The following GBE1 variants were observed in gnomAD, a reference collection of about 807,000 sequenced individuals.
The protein encoded by GBE1 is 1,4-alpha-glucan branching enzyme 1, also known as 1,4-alpha-glucan-branching enzyme.
In GBE1, 70 loss-of-function variants were observed where a neutral mutation model predicts 88.8. The ratio of observed to expected loss-of-function variants is 0.79; its 90% CI spans 0.65 to 0.96. GBE1 has a LOEUF of 0.96. Among genes scored for constraint, GBE1 ranks in the 40% least tolerant of loss-of-function variants. GBE1 has a pLI of 0.00. For synonymous variants in GBE1, 284 were observed against 300.1 expected, an observed-to-expected ratio of 0.95 and a Z score of 0.56; for missense variants, 872 against 871.0, an observed-to-expected ratio of 1.00 and a Z score of -0.01.
chr3:81,607,858 T>C (rs1349708603), intron 7 of GBE1, among the ~76,000 whole-genome samples: 1 of 152,224 alleles, frequency 6.6e-6, no homozygotes, highest in African/African-American at 2.4e-5. Context: ...TCAACTTTTA[T>C]GTTAGAATTT....
chr3:81,493,529 ATTTT>A (rs200270254), intron 15 of GBE1, among the ~76,000 whole-genome samples: 1 of 144,164 alleles, frequency 6.9e-6, no homozygotes, highest in African/African-American at 2.5e-5. Flanking sequence ...GCTTGTCTAA[ATTTT>A]TTTTTTTTTT....
chr3:81,531,949 C>T (rs776988635), intron 14 of GBE1, among the ~76,000 whole-genome samples: 7 of 151,936 alleles, frequency 4.6e-5, no homozygotes, highest in East Asian at 1.9e-4. Context: ...GCTCTCTTTG[C>T]GGGTGCTGGC....
In GBE1 at chr3:81,520,828, CA is replaced by C. The variant is rs1702862428; in HGVS notation, c.1934+14366del. On this transcript the variant is annotated intron_variant, in intron 14 of 15. Coordinates refer to ENST00000429644, the MANE Select transcript of GBE1 (RefSeq NM_000158.4). ...AAAGACAAATGTGAGAGTATACAGG[CA>C]AAAGGTTTTTGTTGTCGTTTTGTTT... 5.3e-5 allele frequency among the ~76,000 whole-genome samples: 8 copies of C among 151,400 alleles called. No individual in the cohort carries two copies. The Admixed American group carries it at 5.3e-4, about 10-fold the overall frequency.
intron 12 of GBE1, among the ~76,000 whole-genome samples, chr3:81,539,898 A>T (rs1349507585): frequency 2.0e-5 from 3 of 151,982 alleles, no homozygotes; most frequent in African/African-American, 4.8e-5. Flanking sequence ...AGGTACTGAA[A>T]CTCAAGAGAG....
intron 7 of GBE1, among the ~76,000 whole-genome samples, chr3:81,626,962 TC>T (rs2107024924): frequency 1.3e-5 from 2 of 152,266 alleles, no homozygotes; most frequent in East Asian, 1.9e-4. Context: ...GTATCACACT[TC>T]CTAATTTCCT....
chr3:81,609,500 T>C (rs867814209), intron 7 of GBE1, among the ~76,000 whole-genome samples: 18 of 152,286 alleles, frequency 1.2e-4, no homozygotes, highest in Middle Eastern at 6.8e-3. Context: ...TTACAGGTAA[T>C]ATATTTCTGT....
intron 12 of GBE1, among the ~76,000 whole-genome samples, chr3:81,575,369 G>T (rs1237005264): frequency 6.6e-6 from 1 of 151,948 alleles, no homozygotes; most frequent in East Asian, 1.9e-4. Context: ...CAGAGTGAAA[G>T]AATTTTTTTG....
chr3:81,685,100 A>G (rs1705413966), intron 2 of GBE1, among the ~76,000 whole-genome samples: 1 of 152,226 alleles, frequency 6.6e-6, no homozygotes, highest in Admixed American at 6.5e-5. Context: ...TAAGAAAATA[A>G]TAAAAATCAT....
intron 1 of GBE1, among the ~76,000 whole-genome samples, chr3:81,737,370 TATATATTTTTATATATATTTATATAA>T (rs1706277558): frequency 3.1e-5 from 1 of 32,608 alleles, no homozygotes. Flanking sequence ...TATATATTTA[TATATATTTTTATATATATTTATATAA>T]ATATATTTTT....
chr3:81,684,789 G>A (rs1705408583), intron 2 of GBE1, among the ~76,000 whole-genome samples: 1 of 151,844 alleles, frequency 6.6e-6, no homozygotes, highest in Non-Finnish European at 1.5e-5. Flanking sequence ...GTACATTTTT[G>A]CAAGCCCTGA....
chr3:81,711,938 A>C (rs1474721190), intron 1 of GBE1, among the ~76,000 whole-genome samples: 1 of 152,128 alleles, frequency 6.6e-6, no homozygotes, highest in Non-Finnish European at 1.5e-5. Context: ...GAATCTACAA[A>C]GAACTCAAAC....
At chr3:81,619,537 A>C (rs1182560262) in intron 7 of GBE1, among the ~76,000 whole-genome samples, 3 of 152,140 alleles carry the variant, frequency 2.0e-5, no homozygotes. Flanking sequence ...TTGTTTATTG[A>C]TTCCATTAAT....
intron 3 of GBE1, among the ~76,000 whole-genome samples, chr3:81,662,652 AAC>A (rs1705047124): frequency 6.6e-6 from 1 of 151,602 alleles, no homozygotes; most frequent in African/African-American, 2.4e-5. Context: ...GCCAAACATT[AAC>A]AGTTTTGTAA....
intron 14 of GBE1, among the ~76,000 whole-genome samples, chr3:81,512,481 A>G (rs1702738926): frequency 6.6e-6 from 1 of 151,922 alleles, no homozygotes; most frequent in South Asian, 2.1e-4. Flanking sequence ...TACCCTGCAG[A>G]AAAACATTTA....
At chr3:81,626,369 A>G (rs1704416774) in intron 7 of GBE1, among the ~76,000 whole-genome samples, 1 of 152,256 alleles carries the variant, frequency 6.6e-6, no homozygotes, top group Non-Finnish European at 1.5e-5. Context: ...AATAGCTCCT[A>G]AAGGTAAAAT....
In GBE1 at chr3:81,750,525, ATATATATATATACG is replaced by A. The variant is rs1294060859; in HGVS notation, c.143+10836_143+10849del. Among the ~76,000 whole-genome samples the A allele has an allele frequency of 9.4e-3, 759 of 80,678 alleles. 95 individuals carry two copies. Among genetic ancestry groups the A allele is most frequent in the African/African-American group, 0.052 (713 of 13,614 alleles). The allele number at this position is 80,678 out of a possible 152,430, so 52.9% of individuals were successfully genotyped here. A position where few individuals can be genotyped will look rare whatever the true frequency, so the allele number is the denominator to read the frequency against. On this transcript the variant is annotated intron_variant, in intron 1 of 15. Coordinates refer to ENST00000429644, the MANE Select transcript of GBE1 (RefSeq NM_000158.4). ...AAACCAATTTCATCTCAAAACATTC[ATATATATATATACG>A]TATATATATATGTATATATATATGT... is the stretch of plus-strand genomic sequence containing the variant.
At chr3:81,720,149 G>C (rs1421972230) in intron 1 of GBE1, among the ~76,000 whole-genome samples, 1 of 151,944 alleles carries the variant, frequency 6.6e-6, no homozygotes, top group Non-Finnish European at 1.5e-5. Context: ...GAGAGACAAA[G>C]GTTTCAAAAT....
rs1340952771 is a variant in GBE1 at position 81,698,049 on chromosome 3, T to A, written c.313+7395A>T. On this transcript the variant is annotated intron_variant, in intron 2 of 15. Transcript: ENST00000429644. ...TATATAATTTTATATATATATTAGT[T>A]TTATATATATATATGTGTATATATA... Among the ~76,000 whole-genome samples, 9 of 147,398 alleles carry A rather than the reference T, an allele frequency of 6.1e-5. No homozygotes were observed. The East Asian group carries it at 1.7e-3, about 29-fold the overall frequency.
chr3:81,525,877 A>G (rs1559633795), intron 14 of GBE1, among the ~76,000 whole-genome samples: 1 of 151,924 alleles, frequency 6.6e-6, no homozygotes, highest in Non-Finnish European at 1.5e-5. Flanking sequence ...TGGTGGTGAT[A>G]TCCCCTTTAT....
Sources: allele counts gnomAD v4.1 joint callset (sites outside exome capture counted in the v4.1 genomes callset), GRCh38; gene constraint gnomAD v4.1.1; transcripts MANE v1.5; gene names NCBI Gene and HGNC (gene_info 2026-07-23, HGNC 2026-07-21).